The following ABCF1 variants were observed in gnomAD, a reference collection of about 807,000 sequenced individuals.
The protein encoded by ABCF1 is ATP-binding cassette sub-family F member 1.
A neutral mutation model predicts 126.3 loss-of-function variants in ABCF1; 73 were observed. The observed-to-expected ratio is 0.58, with a 90% CI of 0.48 to 0.70. The LOEUF is 0.70. Ranked by LOEUF, ABCF1 falls within the 30% of genes least tolerant of loss-of-function variation. ABCF1 has a pLI of 0.00. For synonymous variants in ABCF1, 345 were observed against 396.4 expected (o/e 0.87, Z 1.54); for missense variants, 786 against 1,057.5 (o/e 0.74, Z 3.56).
At position 30,584,958 on chromosome 6, in the gene ABCF1, C is replaced by G. The variant is rs1582592256; in HGVS notation, c.1392-302C>G. The stretch of plus-strand genomic sequence containing the variant: ...CTGTCTCTACAAAAAATTTAAAGAT[C>G]AGCTGGATATGGTGGCGCACGCTGT... On this transcript the variant is annotated intron_variant, in intron 14 of 24. Coordinates refer to ENST00000326195, the MANE Select transcript of ABCF1 (RefSeq NM_001025091.2). This position sits in a 1 kb window ranked among gnomAD's most constrained non-coding sequence, Gnocchi z 4.6. Among the ~76,000 whole-genome samples, 1 of 152,228 alleles carries G rather than the reference C, an allele frequency of 6.6e-6. No individual in the cohort carries two copies. The highest frequency in any genetic ancestry group is 1.5e-5 in the Non-Finnish European group (1 of 68,012).
In ABCF1 at chr6:30,577,850, G is replaced by A. The variant is rs547655254; in HGVS notation, c.153G>A (p.Gln51=). 6.2e-6 allele frequency: 10 copies of A among 1,613,950 alleles called. No individual in the cohort carries two copies. The South Asian group carries it at 1.1e-4, about 18-fold the overall frequency. Residue 51 remains glutamine (Q), a synonymous_variant, in exon 3 of 25, where the codon CAG becomes CAA. Coordinates refer to ENST00000326195, the MANE Select transcript of ABCF1 (RefSeq NM_001025091.2). ...AAGAGCTGGCAGTAGAAGATAAACAGGCTGGGGAAGAAGAGAAAGTGCTCA... is the reference window on the plus strand; with the variant it reads ...AAGAGCTGGCAGTAGAAGATAAACAAGCTGGGGAAGAAGAGAAAGTGCTCA... ...FFEELAVEDK[Q]AGEEEKVLKE...
At chr6:30,573,888 C>G (rs1268089437) in intron 1 of ABCF1, among the ~76,000 whole-genome samples, 1 of 151,992 alleles carries the variant, frequency 6.6e-6, no homozygotes, top group Non-Finnish European at 1.5e-5. Flanking sequence ...ATTTTGAGAC[C>G]CAATGAGGAC....
chr6:30,577,836 G>T lies in ABCF1; in HGVS notation c.139G>T (p.Val47Leu). The change falls in exon 3 of 25, where the codon GTA (valine) becomes TTA (leucine). Residue 47 changes from valine to leucine, a missense_variant. Val to Leu is a conservative substitution (Grantham distance 32, BLOSUM62 1). Coordinates refer to ENST00000326195, the MANE Select transcript of ABCF1 (RefSeq NM_001025091.2). ...TTTATAGTTCTTTGAAGAGCTGGCA[G>T]TAGAAGATAAACAGGCTGGGGAAGA... ...IKKTFFEELAVEDKQAGEEEK... is the reference protein window; with the variant it reads ...IKKTFFEELALEDKQAGEEEK... The T allele has an allele frequency of 6.2e-7, 1 of 1,613,938 alleles. No individual in the cohort carries two copies. The highest frequency in any genetic ancestry group is 8.5e-7 in the Non-Finnish European group (1 of 1,180,034).
In ABCF1 at chr6:30,578,056, T is replaced by G; in HGVS notation, c.217-20T>G. ...AGGGGCCTGGGCTTCATTTTCTCAC[T>G]GTTCTTTTGCTCTCAGCAGCAAAAA... On this transcript the variant is annotated intron_variant, in intron 3 of 24. Coordinates refer to ENST00000326195, the MANE Select transcript of ABCF1 (RefSeq NM_001025091.2). 1 of 1,613,838 alleles carries G rather than the reference T, an allele frequency of 6.2e-7. No homozygotes were observed. The highest frequency in any genetic ancestry group is 8.5e-7 in the Non-Finnish European group (1 of 1,179,940).
In ABCF1 at chr6:30,586,696, T is replaced by A; in HGVS notation, c.2016T>A (p.Thr672=). The A allele has an allele frequency of 6.2e-7, 1 of 1,613,808 alleles. No homozygotes were observed. Among genetic ancestry groups the A allele is most frequent in the Non-Finnish European group, 8.5e-7 (1 of 1,180,014 alleles). ...AGAGTACGCTACTCCTGCTGCTGACTGGCAAGCTGACACCGGTGAGTCCTG... is the reference window on the plus strand; with the variant it reads ...AGAGTACGCTACTCCTGCTGCTGACAGGCAAGCTGACACCGGTGAGTCCTG... The part of the protein sequence containing the change: ...VGKSTLLLLL[T]GKLTPTHGEM... The change falls in exon 20 of 25, where the codon ACT becomes ACA. Residue 672 remains threonine (T), a synonymous_variant. Coordinates refer to ENST00000326195, the MANE Select transcript of ABCF1 (RefSeq NM_001025091.2). This position sits in a 1 kb window ranked among gnomAD's most constrained non-coding sequence, Gnocchi z 4.9.
In ABCF1 at chr6:30,584,390, A is replaced by C; in HGVS notation, c.1243-28A>C. The C allele has an allele frequency of 6.2e-7, 1 of 1,613,074 alleles. No individual in the cohort carries two copies. Among genetic ancestry groups the C allele is most frequent in the African/African-American group, 1.3e-5 (1 of 75,038 alleles). ...ACTTGGGGGTTCCTGGGACCCTCAG[A>C]CGTGTGTCCTCTTCTCCCTCCTCCC... On this transcript the variant is annotated intron_variant, in intron 13 of 24. Transcript: ENST00000326195. The surrounding 1 kb of genome is among the most constrained non-coding windows in gnomAD (Gnocchi z 4.6).
At position 30,584,403 on chromosome 6, in the gene ABCF1, TCTCC is replaced by T. The variant is rs745349483; in HGVS notation, c.1243-10_1243-7del. On this transcript the variant is annotated splice_polypyrimidine_tract_variant and intron_variant, in intron 13 of 24. Coordinates refer to ENST00000326195, the MANE Select transcript of ABCF1 (RefSeq NM_001025091.2). This position sits in a 1 kb window ranked among gnomAD's most constrained non-coding sequence, Gnocchi z 4.6. ...TGGGACCCTCAGACGTGTGTCCTCT[TCTCC>T]CTCCTCCCAGGTGTATGAGGAATTG... 3 of 1,613,014 alleles carry T rather than the reference TCTCC, an allele frequency of 1.9e-6. No individual in the cohort carries two copies. In the East Asian group the frequency reaches 6.7e-5, roughly 36 times the overall value.
At chr6:30,577,259 G>C in intron 1 of ABCF1, 150 bp from the exon 2 acceptor site, 1 of 679,116 alleles carries the variant, frequency 1.5e-6, no homozygotes, top group Non-Finnish European at 2.5e-6. Context: ...ATTTCTGCAG[G>C]AGTTGTGAGA....
At chr6:30,588,349 C>T (rs911397879) in intron 20 of ABCF1, among the ~76,000 whole-genome samples, 2 of 152,014 alleles carry the variant, frequency 1.3e-5, no homozygotes, top group Non-Finnish European at 2.9e-5. Context: ...CATGCAATTA[C>T]TTATTTCATA....
Position 30,583,022 on chromosome 6 carries a change from CT to C in ABCF1, c.793-43del. 6 of 1,585,896 alleles carry C rather than the reference CT, an allele frequency of 3.8e-6. No homozygotes were observed. Among genetic ancestry groups the C allele is most frequent in the Non-Finnish European group, 5.2e-6 (6 of 1,159,852 alleles). On this transcript the variant is annotated intron_variant, in intron 9 of 24. Coordinates refer to ENST00000326195, the MANE Select transcript of ABCF1 (RefSeq NM_001025091.2). The surrounding 1 kb of genome is among the most constrained non-coding windows in gnomAD (Gnocchi z 4.1). ...TGGGCTGTTTCATGGTGATGGGAAA[CT>C]GGTAGACTGTGGCTTCAAATGTAGT... is the stretch of plus-strand genomic sequence containing the variant.
intron 20 of ABCF1, 124 bp from the exon 21 acceptor site, chr6:30,589,564 C>G (rs1488000290): frequency 1.3e-5 from 15 of 1,146,882 alleles, no homozygotes; most frequent in Non-Finnish European, 1.7e-5. Flanking sequence ...GATCGCGCCA[C>G]TGCACTCCAG....
Position 30,571,445 on chromosome 6 carries a change from A to C in ABCF1, c.-43A>C. On this transcript the variant is annotated 5_prime_UTR_variant, in exon 1 of 25. Coordinates refer to ENST00000326195, the MANE Select transcript of ABCF1 (RefSeq NM_001025091.2). The stretch of plus-strand genomic sequence containing the variant: ...GGGGTTCCCCGCCGCCGGAAGCGGA[A>C]ATAGCACCGGGCGCCGCCACAGTAG... The C allele has an allele frequency of 6.3e-7, 1 of 1,583,430 alleles. No individual in the cohort carries two copies. The highest frequency in any genetic ancestry group is 8.6e-7 in the Non-Finnish European group (1 of 1,164,532).
In ABCF1 at chr6:30,586,145, G is replaced by A. The variant is rs369549407; in HGVS notation, c.1725G>A (p.Thr575=). The change falls in exon 18 of 25, where the codon ACG becomes ACA. Residue 575 remains threonine (T), a synonymous_variant. Coordinates refer to ENST00000326195, the MANE Select transcript of ABCF1 (RefSeq NM_001025091.2). This position sits in a 1 kb window ranked among gnomAD's most constrained non-coding sequence, Gnocchi z 4.9. The part of the protein sequence containing the change: ...GKSTKQAEKQ[T]KEALTRKQQK... ...CTCTTCCTCTCCAGGAAAAACAAAC[G>A]AAGGAAGCCCTGACTCGGAAGCAGC... 38 of 1,610,932 alleles carry A rather than the reference G, an allele frequency of 2.4e-5. No individual in the cohort carries two copies. The African/African-American group carries it at 4.3e-4, about 18-fold the overall frequency.
chr6:30,589,530 A>G, intron 20 of ABCF1, 158 bp from the exon 21 acceptor site: 1 of 772,426 alleles, frequency 1.3e-6, no homozygotes, highest in Non-Finnish European at 2.0e-6. Flanking sequence ...GTGAACCCGG[A>G]AGGTGGAGGT....
intron 6 of ABCF1, 99 bp downstream of exon 6, chr6:30,578,676 T>C: frequency 9.4e-7 from 1 of 1,067,198 alleles, no homozygotes; most frequent in Non-Finnish European, 1.4e-6. Flanking sequence ...TCTCGGTCTG[T>C]CTTACTTATA....
In ABCF1 at chr6:30,585,962, A is replaced by AAGGC; in HGVS notation, c.1689_1692dup (p.Gly565ArgfsTer30). ...GCAAGAGAAAAAGCTGAAGGAGCTGAAGGCAGGCGGGAAGTCCACCAAGCA... is the reference window on the plus strand; with the variant it reads ...GCAAGAGAAAAAGCTGAAGGAGCTGAAGGCAGGCAGGCGGGAAGTCCACCAAGCA... On this transcript the variant is annotated frameshift_variant, in exon 17 of 25. Transcript: ENST00000326195. LOFTEE classifies it high-confidence loss of function. The AAGGC allele has an allele frequency of 6.2e-7, 1 of 1,610,854 alleles. No individual in the cohort carries two copies.
In ABCF1 at chr6:30,583,956, A is replaced by G. The variant is rs1801968581; in HGVS notation, c.1102+66A>G. ...AGTTGGGTAGAAAAGCCAGCCAGCCAAGAATAGAAGAAATTGTGGCTATGG... is the reference window on the plus strand; with the variant it reads ...AGTTGGGTAGAAAAGCCAGCCAGCCGAGAATAGAAGAAATTGTGGCTATGG... On this transcript the variant is annotated intron_variant, in intron 12 of 24. Transcript: ENST00000326195. This position sits in a 1 kb window ranked among gnomAD's most constrained non-coding sequence, Gnocchi z 4.1. 12 of 1,554,754 alleles carry G rather than the reference A, an allele frequency of 7.7e-6. No homozygotes were observed. Among genetic ancestry groups the G allele is most frequent in the Non-Finnish European group, 9.7e-6 (11 of 1,131,176 alleles).
chr6:30,577,290 T>C (rs778994966), intron 1 of ABCF1, 119 bp from the exon 2 acceptor site: 11 of 866,786 alleles, frequency 1.3e-5, no homozygotes, highest in Non-Finnish European at 1.8e-5. Flanking sequence ...ATTTAAGGAG[T>C]GATAGTTAAG....
At position 30,583,192 on chromosome 6, in the gene ABCF1, A is replaced by G; in HGVS notation, c.915+4A>G. The G allele has an allele frequency of 6.2e-7, 1 of 1,601,350 alleles. No individual in the cohort carries two copies. Among genetic ancestry groups the G allele is most frequent in the Non-Finnish European group, 8.5e-7 (1 of 1,170,446 alleles). ...AGAAAATGCATCTGACATCAAGGTAAGGTCTCAAGGGGCCCCTTCCAGTCC... is the reference window on the plus strand; with the variant it reads ...AGAAAATGCATCTGACATCAAGGTAGGGTCTCAAGGGGCCCCTTCCAGTCC... On this transcript the variant is annotated splice_donor_region_variant and intron_variant, in intron 10 of 24. Transcript: ENST00000326195. This position sits in a 1 kb window ranked among gnomAD's most constrained non-coding sequence, Gnocchi z 4.1.
Sources: allele counts gnomAD v4.1 joint callset (sites outside exome capture counted in the v4.1 genomes callset), GRCh38; gene constraint gnomAD v4.1.1; non-coding constraint Gnocchi (gnomAD v3.1); transcripts MANE v1.5; gene names NCBI Gene and HGNC (gene_info 2026-07-23, HGNC 2026-07-21).